The following AMPH variants were observed in gnomAD, a reference collection of about 807,000 sequenced individuals.
AMPH encodes the protein amphiphysin (Stiff-Mann syndrome with breast cancer 128kD autoantigen).
Under a neutral mutation model 99.1 loss-of-function variants are expected in AMPH, and 49 were observed. That is an observed-to-expected ratio of 0.49 (90% CI 0.39 to 0.63). AMPH has a LOEUF of 0.63. Ranked by LOEUF, AMPH falls within the 20% of genes least tolerant of loss-of-function variation. The pLI is 0.00. For synonymous variants in AMPH, 314 were observed against 317.3 expected (o/e 0.99, Z 0.11); for missense variants, 759 against 863.4 (o/e 0.88, Z 1.52).
intron 1 of AMPH, among the ~76,000 whole-genome samples, chr7:38,560,348 T>TATC (rs1429549614): frequency 1.3e-5 from 2 of 152,162 alleles, no homozygotes; most frequent in Non-Finnish European, 2.9e-5. Context: ...ATCAACCACC[T>TATC]ATCAGTCCAT....
chr7:38,462,185 T>C (rs1787474709), intron 10 of AMPH, among the ~76,000 whole-genome samples: 1 of 152,174 alleles, frequency 6.6e-6, no homozygotes, highest in African/African-American at 2.4e-5. Context: ...TTACATAACT[T>C]TGTCTAACTG....
At chr7:38,415,595 AT>A (rs1275110260) in intron 17 of AMPH, among the ~76,000 whole-genome samples, 1 of 152,162 alleles carries the variant, frequency 6.6e-6, no homozygotes, top group African/African-American at 2.4e-5. Flanking sequence ...ATTTTATCTG[AT>A]TCTATTTTCC....
intron 11 of AMPH, among the ~76,000 whole-genome samples, chr7:38,459,012 A>C (rs1457969113): frequency 3.3e-5 from 5 of 152,186 alleles, no homozygotes; most frequent in Non-Finnish European, 7.4e-5. Context: ...TTGATAAATA[A>C]GTTCAGTAAA....
intron 14 of AMPH, 76 bp from the exon 15 acceptor site, chr7:38,427,062 C>A: frequency 4.5e-6 from 6 of 1,346,716 alleles, no homozygotes; most frequent in Non-Finnish European, 6.3e-6. Flanking sequence ...ATCCATTAGA[C>A]AAGTTGGAAA....
intron 1 of AMPH, among the ~76,000 whole-genome samples, chr7:38,618,574 A>C (rs552740513): frequency 6.6e-6 from 1 of 152,280 alleles, no homozygotes; most frequent in South Asian, 2.1e-4. Context: ...AAATATATAA[A>C]CATGTAAGGT....
chr7:38,400,594 C>A (rs944477744), intron 17 of AMPH, among the ~76,000 whole-genome samples: 1 of 152,222 alleles, frequency 6.6e-6, no homozygotes, highest in Non-Finnish European at 1.5e-5. Flanking sequence ...GCCAGTCCTG[C>A]TATGAGATGG....
intron 2 of AMPH, among the ~76,000 whole-genome samples, chr7:38,525,943 T>G (rs376119697): frequency 1.3e-5 from 2 of 152,340 alleles, no homozygotes; most frequent in East Asian, 3.9e-4. Flanking sequence ...ACATACATTT[T>G]CATTTCTATG....
chr7:38,433,181 G>A (rs540132320), intron 12 of AMPH, among the ~76,000 whole-genome samples: 14 of 152,280 alleles, frequency 9.2e-5, no homozygotes, highest in African/African-American at 3.1e-4. Flanking sequence ...TTTGGGCTCC[G>A]TATTATAGAA....
At chr7:38,523,171 G>A (rs1790038722) in intron 2 of AMPH, among the ~76,000 whole-genome samples, 1 of 151,826 alleles carries the variant, frequency 6.6e-6, no homozygotes, top group Non-Finnish European at 1.5e-5. Context: ...AACTGCAGTT[G>A]GAAGGGTCAC....
At chr7:38,448,435 T>A (rs543909604) in intron 11 of AMPH, among the ~76,000 whole-genome samples, 3 of 152,326 alleles carry the variant, frequency 2.0e-5, no homozygotes, top group African/African-American at 7.2e-5. Flanking sequence ...ATACACACTA[T>A]GTTTTTTCCT....
chr7:38,398,190 AAAAAAC>A (rs1402536629), intron 17 of AMPH, among the ~76,000 whole-genome samples: 36 of 149,720 alleles, frequency 2.4e-4, no homozygotes, highest in East Asian at 5.9e-4. Flanking sequence ...CTCAAAAAAA[AAAAAAC>A]AAAAAAAAAA....
chr7:38,608,252 T>C (rs1428115885), intron 1 of AMPH, among the ~76,000 whole-genome samples: 1 of 152,168 alleles, frequency 6.6e-6, no homozygotes. Flanking sequence ...TGAGCACGGC[T>C]CCCGGTCAGC....
intron 14 of AMPH, chr7:38,429,168 TC>T: frequency 7.8e-7 from 1 of 1,289,974 alleles, no homozygotes; most frequent in Admixed American, 2.3e-5. Flanking sequence ...GCCAGCTGTG[TC>T]CATGGCTGGC....
intron 20 of AMPH, among the ~76,000 whole-genome samples, chr7:38,386,649 TC>T (rs1197858740): frequency 6.6e-6 from 1 of 152,164 alleles, no homozygotes; most frequent in East Asian, 1.9e-4. Flanking sequence ...TAACTATATA[TC>T]TCCAAATATC....
chr7:38,470,158 G>A (rs1787826472), intron 7 of AMPH, among the ~76,000 whole-genome samples: 1 of 152,092 alleles, frequency 6.6e-6, no homozygotes, highest in African/African-American at 2.4e-5. Flanking sequence ...CATATCTTCA[G>A]TCCTAAATTA....
intron 2 of AMPH, among the ~76,000 whole-genome samples, chr7:38,524,608 TTGGAGGCA>T (rs3056245): frequency 0.082 from 12,514 of 151,882 alleles, 761 homozygotes; most frequent in East Asian, 0.28. Flanking sequence ...GAATAGATGG[TTGGAGGCA>T]TGGAGGCATG....
Position 38,574,656 on chromosome 7 carries a change from C to T in AMPH, c.70-39645G>A, listed in dbSNP as rs1792166255. The stretch of plus-strand genomic sequence containing the variant: ...ATAAAAGAATAACAGGAGTGATTAT[C>T]AACATTATGTTCATGTGGTAGGACG... On this transcript the variant is annotated intron_variant, in intron 1 of 20. Coordinates refer to ENST00000356264, the MANE Select transcript of AMPH (RefSeq NM_001635.4). Among the ~76,000 whole-genome samples the T allele has an allele frequency of 1.3e-5, 2 of 152,138 alleles. 1 individual carries two copies. The highest frequency in any genetic ancestry group is 4.8e-5 in the African/African-American group (2 of 41,430).
chr7:38,507,688 T>C (rs546508337), intron 2 of AMPH, among the ~76,000 whole-genome samples: 1 of 152,210 alleles, frequency 6.6e-6, no homozygotes, highest in South Asian at 2.1e-4. Flanking sequence ...GTATTGCACA[T>C]GTGTGTGCAG....
rs1167469290 is a variant in AMPH at position 38,631,297 on chromosome 7, G to A, written c.55C>T (p.Arg19Cys). Residue 19 changes from arginine to cysteine, a missense_variant, in exon 1 of 21, where the codon CGC becomes TGC. Transcript: ENST00000356264. ...CCGCCGCTGACCTTTTCCTGCGCGC[G>A]GTTGAGTCGCTTCTGGACGTTCTTG... is the stretch of plus-strand genomic sequence containing the variant. ...FAKNVQKRLN[R>C]AQEKVLQKLG... 1 of 1,537,682 alleles carries A rather than the reference G, an allele frequency of 6.5e-7. No homozygotes were observed. The highest frequency in any genetic ancestry group is 8.8e-7 in the Non-Finnish European group (1 of 1,142,794).
Sources: allele counts gnomAD v4.1 joint callset (sites outside exome capture counted in the v4.1 genomes callset), GRCh38; gene constraint gnomAD v4.1.1; transcripts MANE v1.5; gene names NCBI Gene and HGNC (gene_info 2026-07-23, HGNC 2026-07-21).